Variants in TP53BP2 observed in about 807,000 individuals in gnomAD.
TP53BP2 encodes the protein apoptosis-stimulating of p53 protein 2.
A neutral mutation model predicts 126.2 loss-of-function variants in TP53BP2; 62 were observed. That is an observed-to-expected ratio of 0.49 (90% CI 0.40 to 0.61). The LOEUF (loss-of-function observed/expected upper bound fraction) is 0.61, where lower values mean the gene tolerates loss of function less well. Ranked by LOEUF, TP53BP2 falls within the 20% of genes least tolerant of loss-of-function variation. TP53BP2 has a pLI of 0.00. For synonymous variants in TP53BP2, 485 were observed against 502.9 expected, an observed-to-expected ratio of 0.96 and a Z score of 0.48; for missense variants, 1,215 against 1,402.8, an observed-to-expected ratio of 0.87 and a Z score of 2.14.
intron 17 of TP53BP2, among the ~76,000 whole-genome samples, chr1:223,781,123 T>G (rs1392532121): frequency 6.6e-6 from 1 of 152,178 alleles, no homozygotes; most frequent in Non-Finnish European, 1.5e-5. Context: ...CTGTGACAAC[T>G]CTACAAAGCA....
At position 223,841,269 on chromosome 1, in the gene TP53BP2, A is replaced by AAATG. The variant is rs758647320; in HGVS notation, c.27+4384_27+4385insCATT. 4.3e-3 allele frequency among the ~76,000 whole-genome samples: 648 copies of AAATG among 152,028 alleles called. 29 individuals carry two copies. In the East Asian group the frequency reaches 0.1, roughly 25 times the overall value. On this transcript the variant is annotated intron_variant, in intron 1 of 17. Transcript: ENST00000343537. ...TCAAGAAATAAATAAATAAATAAAT[A>AAATG]AAAGAAATATTTTGCACATTTCTAA...
Position 223,795,826 on chromosome 1 carries a change from A to G in TP53BP2, c.2713T>C (p.Ser905Pro). 1 of 1,538,966 alleles carries G rather than the reference A, an allele frequency of 6.5e-7. No individual in the cohort carries two copies. Among genetic ancestry groups the G allele is most frequent in the Non-Finnish European group, 8.7e-7 (1 of 1,144,642 alleles). Residue 905 changes from serine (S) to proline (P), a missense_variant, in exon 13 of 18, where the codon TCT (serine) becomes CCT (proline). Ser to Pro is a moderately conservative substitution (Grantham distance 74, BLOSUM62 -1). This residue lies in a region of TP53BP2 where 204 missense variants were observed against 225.7 expected (regional missense o/e 0.90). Coordinates refer to ENST00000343537, the MANE Select transcript of TP53BP2 (RefSeq NM_001031685.3). ...MRPPEITGQVSLPPGKRTNLR... is the reference protein window; with the variant it reads ...MRPPEITGQVPLPPGKRTNLR... ...AGTACATTACTTACAGGAGGCAGAG[A>G]GACCTGCCCGGTGATTTCAGGCGGG...
At chr1:223,815,740 T>C (rs1426515202) in intron 2 of TP53BP2, among the ~76,000 whole-genome samples, 1 of 151,948 alleles carries the variant, frequency 6.6e-6, no homozygotes, top group Non-Finnish European at 1.5e-5. Flanking sequence ...ATGCACTGCA[T>C]GTTGACAGTG....
In TP53BP2 at chr1:223,784,069, C is replaced by T. The variant is rs746148564; in HGVS notation, c.3363+46G>A. 2.4e-5 allele frequency: 37 copies of T among 1,567,734 alleles called. No homozygotes were observed. In the Admixed American group the frequency reaches 4.2e-4, roughly 18 times the overall value. ...AACATACAGCAGTTTTTACAAAGCC[C>T]CTCTCTGGCACATATGAAAACACCG... On this transcript the variant is annotated intron_variant, in intron 17 of 17. Transcript: ENST00000343537.
At position 223,780,805 on chromosome 1, in the gene TP53BP2, T is replaced by C; in HGVS notation, c.*48A>G. 1 of 1,595,354 alleles carries C rather than the reference T, an allele frequency of 6.3e-7. No homozygotes were observed. On this transcript the variant is annotated 3_prime_UTR_variant, in exon 18 of 18. Transcript: ENST00000343537. ...TGCCAAAAATAATCGTATTACTTCT[T>C]CTTAACAGAGATTAATTCTTCATTG...
Position 223,800,603 on chromosome 1 carries a change from GAAGA to G in TP53BP2, c.1336+93_1336+96del, listed in dbSNP as rs751781693. 3.2e-4 allele frequency: 294 copies of G among 912,246 alleles called. 1 individual carries two copies. Among genetic ancestry groups the G allele is most frequent in the Middle Eastern group, 4.6e-4 (2 of 4,390 alleles). 56.5% of individuals were successfully genotyped at this position (912,246 alleles called of 1,614,324 possible). A position where few individuals can be genotyped will look rare whatever the true frequency, so the allele number is the denominator to read the frequency against. Reference sequence around the variant, plus strand: ...CTGTCTTTAAAAAAAACAAAAAAAGGAAGAAAGAAAAGAGAAAATGGACTCTCTA... The same window carrying G: ...CTGTCTTTAAAAAAAACAAAAAAAGGAAGAAAAGAGAAAATGGACTCTCTA... On this transcript the variant is annotated intron_variant, in intron 10 of 17. Coordinates refer to ENST00000343537, the MANE Select transcript of TP53BP2 (RefSeq NM_001031685.3).
intron 9 of TP53BP2, 195 bp downstream of exon 9, chr1:223,801,921 T>C (rs1171466380): frequency 1.2e-5 from 6 of 490,918 alleles, no homozygotes; most frequent in Non-Finnish European, 1.4e-5. Flanking sequence ...TATTTAGGGT[T>C]AAGAAAAATC....
chr1:223,818,502 C>CA lies in TP53BP2; in HGVS notation c.175+2717dup, dbSNP rs60296469. ...CTGGTGACAGAGCAAGACTCCATCT[C>CA]AAAAAAAAAAAAAAAGAAAAGAAAA... is the stretch of plus-strand genomic sequence containing the variant. On this transcript the variant is annotated intron_variant, in intron 2 of 17. Transcript: ENST00000343537. Among the ~76,000 whole-genome samples the CA allele has an allele frequency of 4.0e-3, 354 of 87,934 alleles. 1 individual carries two copies. Among genetic ancestry groups the CA allele is most frequent in the Middle Eastern group, 0.014 (2 of 144 alleles). 57.7% of individuals were successfully genotyped at this position (87,934 alleles called of 152,430 possible).
At position 223,793,327 on chromosome 1, in the gene TP53BP2, G is replaced by A. The variant is rs760674193; in HGVS notation, c.2838C>T (p.Asp946=). The change falls in exon 14 of 18, where the codon GAC becomes GAT. Residue 946 remains aspartate, a synonymous_variant. Transcript: ENST00000343537. Reference sequence around the variant, plus strand: ...CCTCATAAATAATTCTCTGTACAAGGTCAAATTCTCCCTCCAAAGACGAAT... The same window carrying A: ...CCTCATAAATAATTCTCTGTACAAGATCAAATTCTCCCTCCAAAGACGAAT... ...LLDSSLEGEF[D]LVQRIIYEVD... The A allele has an allele frequency of 5.0e-6, 8 of 1,607,782 alleles. No individual in the cohort carries two copies. In the Admixed American group the frequency reaches 1.0e-4, roughly 20 times the overall value.
intron 9 of TP53BP2, among the ~76,000 whole-genome samples, chr1:223,801,258 T>TA (rs1662516375): frequency 6.6e-6 from 1 of 152,244 alleles, no homozygotes; most frequent in East Asian, 1.9e-4. Flanking sequence ...CACTGATACT[T>TA]AAATTTCAAA....
At chr1:223,790,366 G>A (rs1265016121) in intron 15 of TP53BP2, among the ~76,000 whole-genome samples, 2 of 151,874 alleles carry the variant, frequency 1.3e-5, no homozygotes, top group African/African-American at 2.4e-5. Context: ...AGACCAGCCT[G>A]GGCAACACAG....
intron 2 of TP53BP2, among the ~76,000 whole-genome samples, chr1:223,816,071 G>A (rs1663077621): frequency 6.6e-6 from 1 of 152,184 alleles, no homozygotes; most frequent in African/African-American, 2.4e-5. Flanking sequence ...CTCTGAACAT[G>A]CCATTCCTAT....
intron 11 of TP53BP2, among the ~76,000 whole-genome samples, chr1:223,799,042 A>G (rs1290130943): frequency 6.6e-6 from 1 of 152,266 alleles, no homozygotes; most frequent in Non-Finnish European, 1.5e-5. Flanking sequence ...ACTGCGTTCC[A>G]GCCTGGGCAA....
At chr1:223,793,261 GACTCT>G (rs763454106) in intron 14 of TP53BP2, 37 bp downstream of exon 14, 10 of 1,429,514 alleles carry the variant, frequency 7.0e-6, no homozygotes, top group Non-Finnish European at 9.3e-6. Flanking sequence ...GACAGAGCGA[GACTCT>G]GACTCAAAAA....
At chr1:223,821,546 C>A in intron 1 of TP53BP2, 179 bp from the exon 2 acceptor site, 1 of 789,858 alleles carries the variant, frequency 1.3e-6, no homozygotes, top group Non-Finnish European at 2.2e-6. Flanking sequence ...ACCTGGAGCC[C>A]AGCCCCTACC....
intron 1 of TP53BP2, among the ~76,000 whole-genome samples, chr1:223,831,480 AATATATATATATATATAT>A (rs10543436): frequency 0.03 from 969 of 32,470 alleles, 41 homozygotes; most frequent in Middle Eastern, 0.1. Flanking sequence ...AAAAAAAAAA[AATATATATATATATATAT>A]ATATATATAT....
At chr1:223,797,653 C>T (rs1006082704) in intron 12 of TP53BP2, among the ~76,000 whole-genome samples, 2 of 152,052 alleles carry the variant, frequency 1.3e-5, no homozygotes, top group Non-Finnish European at 2.9e-5. Context: ...TCAGGTGACC[C>T]GCCCACCTTG....
intron 2 of TP53BP2, among the ~76,000 whole-genome samples, chr1:223,819,393 A>G (rs1663218566): frequency 6.6e-6 from 1 of 151,944 alleles, no homozygotes; most frequent in Non-Finnish European, 1.5e-5. Context: ...GTAAAGAGTA[A>G]GAAAACTGAG....
rs1664263041 is a variant in TP53BP2, at chr1:223,845,875, G to C, written c.-195C>G. On this transcript the variant is annotated 5_prime_UTR_variant, in exon 1 of 18. Coordinates refer to ENST00000343537, the MANE Select transcript of TP53BP2 (RefSeq NM_001031685.3). Reference sequence around the variant, plus strand: ...ACAAGCCCCGGGCTCCCCCGCCCCGGCCGGGCCCCCTGACGCGGCTTTGTC... The same window carrying C: ...ACAAGCCCCGGGCTCCCCCGCCCCGCCCGGGCCCCCTGACGCGGCTTTGTC... 1 of 336,008 alleles carries C rather than the reference G, an allele frequency of 3.0e-6. No individual in the cohort carries two copies. The highest frequency in any genetic ancestry group is 5.1e-5 in the Admixed American group (1 of 19,692). 20.8% of individuals were successfully genotyped at this position (336,008 alleles called of 1,614,324 possible).
Sources: gnomAD v4.1 joint callset for allele counts (sites outside exome capture counted in the v4.1 genomes callset) on GRCh38, gnomAD v4.1.1 for gene constraint, gnomAD v4.1.1 regional missense constraint, MANE v1.5 for transcripts, NCBI Gene and HGNC (gene_info 2026-07-23, HGNC 2026-07-21) for gene names.